Variants in TMCO4 observed in about 807,000 individuals in gnomAD.
TMCO4 encodes transmembrane and coiled-coil domain-containing protein 4.
TMCO4 carries 58 observed loss-of-function variants against 64.7 expected under a neutral mutation model. That is an observed-to-expected ratio of 0.90 (90% CI 0.73 to 1.12). The LOEUF (loss-of-function observed/expected upper bound fraction) is 1.12. Among genes scored for constraint, TMCO4 ranks in the 50% most tolerant of loss-of-function variants. TMCO4 has a pLI of 0.00. For missense variants in TMCO4, 780 were observed against 825.9 expected (o/e 0.94, Z 0.68); for synonymous variants, 325 against 346.1 (o/e 0.94, Z 0.68).
chr1:19,793,803 C>T (rs1557636970), intron 2 of TMCO4, among the ~76,000 whole-genome samples: 2 of 152,182 alleles, frequency 1.3e-5, no homozygotes, highest in Non-Finnish European at 2.9e-5. Context: ...TTTACCACTG[C>T]TCTCTTCCTT....
At chr1:19,766,847 T>C (rs1737469) in intron 6 of TMCO4, among the ~76,000 whole-genome samples, 92,505 of 151,932 alleles carry the variant, frequency 0.61, 29,571 homozygotes, top group African/African-American at 0.82. Flanking sequence ...GCAAACCACT[T>C]CCCCCTCTAG....
intron 9 of TMCO4, among the ~76,000 whole-genome samples, chr1:19,745,873 G>A (rs543802296): frequency 7.2e-5 from 11 of 152,258 alleles, no homozygotes; most frequent in South Asian, 6.2e-4. Context: ...GCCCCCGAGC[G>A]GTAGAGCTGG....
Position 19,682,399 on chromosome 1 carries a change from T to C in TMCO4, c.*641A>G, listed in dbSNP as rs2095109033. 2 of 551,538 alleles carry C rather than the reference T, an allele frequency of 3.6e-6. No individual in the cohort carries two copies. The highest frequency in any genetic ancestry group is 6.5e-6 in the Non-Finnish European group (2 of 307,002). The allele number at this position is 551,538 out of a possible 1,614,324, so 34.2% of individuals were successfully genotyped here. A position where few individuals can be genotyped will look rare whatever the true frequency, so the allele number is the denominator to read the frequency against. ...ATGCTCTGTTAGTGGTGTCCAGATG[T>C]TGCATGACGGGGGAGCACACTCACA... On this transcript the variant is annotated 3_prime_UTR_variant, in exon 16 of 16. Coordinates refer to ENST00000294543, the MANE Select transcript of TMCO4 (RefSeq NM_181719.7).
At chr1:19,753,468 G>A (rs1025342328) in intron 7 of TMCO4, among the ~76,000 whole-genome samples, 13 of 152,148 alleles carry the variant, frequency 8.5e-5, no homozygotes, top group Admixed American at 2.6e-4. Context: ...GAGGGAAGCC[G>A]GGTGGCCTTA....
rs568880450 is a variant in TMCO4 at position 19,758,359 on chromosome 1, G to A, written c.383-2593C>T. Reference sequence around the variant, plus strand: ...AAGGAGCTCCTTCCTTCCCCCATAGGAGCAAAGACTACTGTGCCCACGTGA... The same window carrying A: ...AAGGAGCTCCTTCCTTCCCCCATAGAAGCAAAGACTACTGTGCCCACGTGA... On this transcript the variant is annotated intron_variant, in intron 6 of 15. Transcript: ENST00000294543. Among the ~76,000 whole-genome samples the A allele has an allele frequency of 1.2e-4, 19 of 152,246 alleles. No homozygotes were observed. In the South Asian group the frequency reaches 3.5e-3, roughly 28 times the overall value.
intron 2 of TMCO4, among the ~76,000 whole-genome samples, chr1:19,791,364 G>C (rs1194993799): frequency 6.6e-6 from 1 of 152,020 alleles, no homozygotes; most frequent in African/African-American, 2.4e-5. Flanking sequence ...AAATAGCAAG[G>C]GTTGGTGGGA....
chr1:19,737,810 C>A (rs1047614610), intron 12 of TMCO4, among the ~76,000 whole-genome samples: 3 of 152,264 alleles, frequency 2.0e-5, no homozygotes, highest in African/African-American at 7.2e-5. Context: ...ATCTGCCTTG[C>A]GGCAAATGGC....
intron 4 of TMCO4, among the ~76,000 whole-genome samples, chr1:19,776,881 G>A (rs2101050215): frequency 6.6e-6 from 1 of 152,172 alleles, no homozygotes; most frequent in Admixed American, 6.5e-5. Context: ...ACGAAAATTA[G>A]CCAGGCATGG....
At position 19,682,438 on chromosome 1, in the gene TMCO4, A is replaced by T. The variant is rs1214533072; in HGVS notation, c.*602T>A. 5 of 588,868 alleles carry T rather than the reference A, an allele frequency of 8.5e-6. No individual in the cohort carries two copies. The allele number at this position is 588,868 out of a possible 1,614,324, so 36.5% of individuals were successfully genotyped here. ...AGCACACTCACATTGTGTCTGTGTG[A>T]CTCATGTCCCTGGAGTTATGCAGCG... is the stretch of plus-strand genomic sequence containing the variant. On this transcript the variant is annotated 3_prime_UTR_variant, in exon 16 of 16. Transcript: ENST00000294543.
At chr1:19,701,419 G>A (rs948297899) in intron 13 of TMCO4, among the ~76,000 whole-genome samples, 11 of 152,142 alleles carry the variant, frequency 7.2e-5, no homozygotes, top group African/African-American at 1.7e-4. Context: ...TGATCCACCC[G>A]CCTTGGCCTC....
chr1:19,747,909 G>A lies in TMCO4; in HGVS notation c.516-649C>T, dbSNP rs1210007411. ...ATTCAGCCCTGAGCCCCTTTGCTGC[G>A]GCTGGGATGGAGAGGTTATTAAGTA... is the stretch of plus-strand genomic sequence containing the variant. On this transcript the variant is annotated intron_variant, in intron 7 of 15. Transcript: ENST00000294543. Among the ~76,000 whole-genome samples the A allele has an allele frequency of 3.9e-5, 6 of 152,170 alleles. No homozygotes were observed. The South Asian group carries it at 8.3e-4, about 21-fold the overall frequency.
At chr1:19,702,536 G>A (rs2095280060) in intron 13 of TMCO4, among the ~76,000 whole-genome samples, 1 of 152,138 alleles carries the variant, frequency 6.6e-6, no homozygotes, top group African/African-American at 2.4e-5. Flanking sequence ...AGAGGTTGCA[G>A]TGAGCTGAGA....
chr1:19,737,853 G>T (rs149268736), intron 12 of TMCO4, among the ~76,000 whole-genome samples: 95 of 152,376 alleles, frequency 6.2e-4, no homozygotes, highest in African/African-American at 2.2e-3. Context: ...CGGAGCTGGG[G>T]AGATTAGACA....
At chr1:19,715,762 T>C (rs2095352815) in intron 13 of TMCO4, among the ~76,000 whole-genome samples, 1 of 152,212 alleles carries the variant, frequency 6.6e-6, no homozygotes, top group African/African-American at 2.4e-5. Flanking sequence ...TATGAAAGTG[T>C]GCACACCAGA....
chr1:19,691,359 G>A (rs2095193383), intron 15 of TMCO4, among the ~76,000 whole-genome samples: 1 of 152,214 alleles, frequency 6.6e-6, no homozygotes, highest in African/African-American at 2.4e-5. Context: ...CAAGTGAACT[G>A]GCCCCAGCGA....
In TMCO4 at chr1:19,734,806, A is replaced by G. The variant is rs2095446339; in HGVS notation, c.1264+2566T>C. Among the ~76,000 whole-genome samples, 1 of 152,084 alleles carries G rather than the reference A, an allele frequency of 6.6e-6. No homozygotes were observed. Among genetic ancestry groups the G allele is most frequent in the African/African-American group, 2.4e-5 (1 of 41,414 alleles). ...GGCCTGAATCCTGGCTCTGGCACTT[A>G]GGATTCTTGTGGCTTCACCTCTCAG... is the stretch of plus-strand genomic sequence containing the variant. On this transcript the variant is annotated intron_variant, in intron 13 of 15. Transcript: ENST00000294543. This position sits in a 1 kb window ranked among gnomAD's most constrained non-coding sequence, Gnocchi z 4.4.
At chr1:19,720,082 C>T (rs74923563) in intron 13 of TMCO4, among the ~76,000 whole-genome samples, 140 of 138,712 alleles carry the variant, frequency 1.0e-3, no homozygotes, top group African/African-American at 3.4e-3. Flanking sequence ...TAGGCTCAAG[C>T]GATCAATCCT....
At chr1:19,781,997 T>C (rs1458262975) in intron 3 of TMCO4, among the ~76,000 whole-genome samples, 1 of 152,210 alleles carries the variant, frequency 6.6e-6, no homozygotes, top group Non-Finnish European at 1.5e-5. Context: ...GGTATAACTA[T>C]TTGGAAAATG....
intron 6 of TMCO4, among the ~76,000 whole-genome samples, chr1:19,760,705 A>T (rs1469615656): frequency 6.6e-5 from 10 of 152,248 alleles, no homozygotes; most frequent in Non-Finnish European, 1.0e-4. Context: ...CTATATATAT[A>T]TTTTATTTGC....
Sources: gnomAD v4.1 joint callset for allele counts (sites outside exome capture counted in the v4.1 genomes callset) on GRCh38, gnomAD v4.1.1 for gene constraint, Gnocchi (gnomAD v3.1) non-coding constraint, MANE v1.5 for transcripts, NCBI Gene and HGNC (gene_info 2026-07-23, HGNC 2026-07-21) for gene names.